Variants in FRMD4B observed in about 807,000 individuals in gnomAD.
FRMD4B encodes the protein FERM domain containing 4B.
Under a neutral mutation model 141.5 loss-of-function variants are expected in FRMD4B, and 74 were observed. The observed-to-expected ratio is 0.52, with a 90% CI of 0.43 to 0.63. FRMD4B has a LOEUF of 0.63. FRMD4B is among the 30% of genes least tolerant of loss of function. FRMD4B has a pLI of 0.00. For missense variants in FRMD4B, 1,366 were observed against 1,253.4 expected, an observed-to-expected ratio of 1.09 and a Z score of -1.36; for synonymous variants, 506 against 467.9, an observed-to-expected ratio of 1.08 and a Z score of -1.05.
chr3:69,242,830 T>TA (rs983542646), intron 7 of FRMD4B, among the ~76,000 whole-genome samples: 10 of 151,252 alleles, frequency 6.6e-5, no homozygotes, highest in African/African-American at 2.4e-4. Flanking sequence ...CCGTCTCTAC[T>TA]AAAAAATACA....
At chr3:69,392,391 G>T (rs1704399267) in intron 2 of FRMD4B, among the ~76,000 whole-genome samples, 1 of 152,188 alleles carries the variant, frequency 6.6e-6, no homozygotes, top group African/African-American at 2.4e-5. Flanking sequence ...GGAGAATCAG[G>T]TGATGATGGG....
chr3:69,227,384 C>T (rs904046085), intron 7 of FRMD4B, among the ~76,000 whole-genome samples: 2 of 152,018 alleles, frequency 1.3e-5, no homozygotes, highest in African/African-American at 4.8e-5. Flanking sequence ...GTATTCTTAA[C>T]CGGGTGCAGT....
intron 1 of FRMD4B, chr3:69,376,885 G>A (rs1703986475): frequency 1.3e-5 from 2 of 151,992 alleles, no homozygotes; most frequent in Non-Finnish European, 2.9e-5. Flanking sequence ...AAAATATAAT[G>A]TTCAGAATAA....
At chr3:69,352,306 T>C (rs1400318477) in intron 1 of FRMD4B, among the ~76,000 whole-genome samples, 2 of 152,160 alleles carry the variant, frequency 1.3e-5, no homozygotes, top group East Asian at 3.9e-4. Context: ...TCCTTTTCAC[T>C]CCTTCGGACA....
chr3:69,307,302 C>T (rs1157210642), intron 3 of FRMD4B, among the ~76,000 whole-genome samples: 2 of 152,102 alleles, frequency 1.3e-5, no homozygotes, highest in African/African-American at 4.8e-5. Context: ...GGGCAGACAA[C>T]AAGAAGGGTG....
intron 1 of FRMD4B, among the ~76,000 whole-genome samples, chr3:69,523,437 C>A (rs967318487): frequency 1.6e-4 from 24 of 152,062 alleles, no homozygotes; most frequent in Non-Finnish European, 2.2e-4. Flanking sequence ...GTGTGGGGTA[C>A]CATTTCCAGT....
At position 69,170,128 on chromosome 3, in the gene FRMD4B, G is replaced by A. The variant is rs780690962; in HGVS notation, c.*1733C>T. 2 of 152,118 alleles carry A rather than the reference G, an allele frequency of 1.3e-5. No individual in the cohort carries two copies. The highest frequency in any genetic ancestry group is 2.9e-5 in the Non-Finnish European group (2 of 68,006). 9.4% of individuals were successfully genotyped at this position (152,118 alleles called of 1,614,324 possible). A position where few individuals can be genotyped will look rare whatever the true frequency, so the allele number is the denominator to read the frequency against. ...GTTTTTAATGTAAATATTTAAAAATGTACATCCCGGAATTAATAAAATACG... is the reference window on the plus strand; with the variant it reads ...GTTTTTAATGTAAATATTTAAAAATATACATCCCGGAATTAATAAAATACG... On this transcript the variant is annotated 3_prime_UTR_variant, in exon 23 of 23. Transcript: ENST00000398540.
intron 5 of FRMD4B, among the ~76,000 whole-genome samples, chr3:69,266,615 C>G (rs901100307): frequency 6.6e-6 from 1 of 151,952 alleles, no homozygotes; most frequent in Non-Finnish European, 1.5e-5. Flanking sequence ...CATGAGCCAC[C>G]GTGACTGGCC....
chr3:69,193,805 T>C lies in FRMD4B; in HGVS notation c.1557A>G (p.Lys519=). 1 of 1,613,888 alleles carries C rather than the reference T, an allele frequency of 6.2e-7. No homozygotes were observed. Among genetic ancestry groups the C allele is most frequent in the Non-Finnish European group, 8.5e-7 (1 of 1,179,752 alleles). The change falls in exon 17 of 23, where the codon AAA becomes AAG. Residue 519 remains lysine, a synonymous_variant. Coordinates refer to ENST00000398540, the MANE Select transcript of FRMD4B (RefSeq NM_015123.3). ...TACAAAGGTCTGGCTCATTGGCAAG[T>C]TTCTTTGCAGCTTCCACCAGCTTTT... is the stretch of plus-strand genomic sequence containing the variant. ...IQQKLVEAAK[K]LANEPDLCKT...
At chr3:69,240,027 C>G (rs1043793235) in intron 7 of FRMD4B, among the ~76,000 whole-genome samples, 13 of 151,548 alleles carry the variant, frequency 8.6e-5, no homozygotes, top group Non-Finnish European at 1.9e-4. Context: ...GCACTCCAGC[C>G]TGGGCGACAG....
intron 17 of FRMD4B, among the ~76,000 whole-genome samples, chr3:69,193,107 C>A: frequency 6.6e-6 from 1 of 151,816 alleles, no homozygotes; most frequent in East Asian, 2.0e-4. Context: ...AGGTGTGGGG[C>A]GCCATGCTCG....
chr3:69,256,698 G>A lies in FRMD4B; in HGVS notation c.502-6599C>T, dbSNP rs114273019. The stretch of plus-strand genomic sequence containing the variant: ...CTGAAGACCTCTACTACCCTACAAG[G>A]CAATTATTCCTAAGCCATAGAAACA... On this transcript the variant is annotated intron_variant, in intron 5 of 22. Transcript: ENST00000398540. Among the ~76,000 whole-genome samples the A allele has an allele frequency of 8.4e-3, 1,281 of 152,216 alleles. 22 individuals are homozygous for A. Among genetic ancestry groups the A allele is most frequent in the African/African-American group, 0.029 (1,221 of 41,540 alleles).
At chr3:69,345,418 TAG>T (rs1702902278) in intron 1 of FRMD4B, among the ~76,000 whole-genome samples, 1 of 152,170 alleles carries the variant, frequency 6.6e-6, no homozygotes, top group Non-Finnish European at 1.5e-5. Context: ...GGGCAGGGCA[TAG>T]CCAAACAAAA....
intron 1 of FRMD4B, among the ~76,000 whole-genome samples, chr3:69,499,380 T>C (rs1357892186): frequency 6.6e-6 from 1 of 152,026 alleles, no homozygotes; most frequent in Non-Finnish European, 1.5e-5. Context: ...AAACAACAGC[T>C]GAGGAGAAAG....
intron 1 of FRMD4B, among the ~76,000 whole-genome samples, chr3:69,322,637 C>T (rs1316390428): frequency 1.4e-5 from 2 of 145,714 alleles, no homozygotes; most frequent in Non-Finnish European, 3.0e-5. Flanking sequence ...TGCTCTGTTG[C>T]CCAGGCTGGA....
In FRMD4B at chr3:69,169,567, G is replaced by T. The variant is rs2092565453; in HGVS notation, c.*2294C>A. Among the ~76,000 whole-genome samples, 1 of 151,918 alleles carries T rather than the reference G, an allele frequency of 6.6e-6. No homozygotes were observed. The highest frequency in any genetic ancestry group is 6.6e-5 in the Admixed American group (1 of 15,244). On this transcript the variant is annotated 3_prime_UTR_variant, in exon 23 of 23. Transcript: ENST00000398540. The stretch of plus-strand genomic sequence containing the variant: ...AGATGGGGTTTCACCATGTTGTCCA[G>T]GCTGGTCTTGAACTCCTGAGCTCAA...
At chr3:69,496,308 G>GA (rs1263567932) in intron 1 of FRMD4B, among the ~76,000 whole-genome samples, 3 of 152,070 alleles carry the variant, frequency 2.0e-5, no homozygotes, top group Non-Finnish European at 1.5e-5. Context: ...TTTAGAGAAA[G>GA]AGTCAATACT....
chr3:69,177,656 G>C (rs1489217627), intron 21 of FRMD4B, among the ~76,000 whole-genome samples: 1 of 152,070 alleles, frequency 6.6e-6, no homozygotes, highest in Non-Finnish European at 1.5e-5. Context: ...TCCCAAGAAA[G>C]AAAATAATAA....
intron 17 of FRMD4B, among the ~76,000 whole-genome samples, chr3:69,192,974 T>C (rs6804718): frequency 0.13 from 19,230 of 151,864 alleles, 2,923 homozygotes; most frequent in East Asian, 0.4. Context: ...TGTACCACCA[T>C]GCCTGGCTAA....
Sources: gnomAD v4.1 joint callset for allele counts (sites outside exome capture counted in the v4.1 genomes callset) on GRCh38, gnomAD v4.1.1 for gene constraint, MANE v1.5 for transcripts, NCBI Gene and HGNC (gene_info 2026-07-23, HGNC 2026-07-21) for gene names.